THEM4: variants seen among roughly 807,000 people sequenced by gnomAD.
THEM4 encodes acyl-coenzyme A thioesterase THEM4.
THEM4 carries 22 observed loss-of-function variants against 25.0 expected under a neutral mutation model. That is an observed-to-expected ratio of 0.88 (90% confidence interval 0.63 to 1.26). The LOEUF (loss-of-function observed/expected upper bound fraction) is 1.26. Among genes scored for constraint, THEM4 ranks in the 50% most tolerant of loss-of-function variants. The probability of loss-of-function intolerance (pLI) is 0.00; values close to 1 mark genes in which losing one functional copy is unlikely to be tolerated. For synonymous variants in THEM4, 113 were observed against 105.6 expected (o/e 1.07, Z -0.43); for missense variants, 286 against 300.3 (o/e 0.95, Z 0.35).
chr1:151,887,847 T>C (rs999046201), intron 4 of THEM4, among the ~76,000 whole-genome samples: 2 of 152,182 alleles, frequency 1.3e-5, no homozygotes, highest in African/African-American at 4.8e-5. Context: ...CCAGAGCCCC[T>C]TGGATCCTTT....
intron 3 of THEM4, 68 bp downstream of exon 3, chr1:151,889,146 A>G: frequency 1.5e-6 from 2 of 1,328,486 alleles, no homozygotes; most frequent in Non-Finnish European, 2.1e-6. Context: ...TAGTCCATGT[A>G]CAGGACACAT....
In THEM4 at chr1:151,884,111, A is replaced by AAATAAAGG. The variant is rs759575997; in HGVS notation, c.557+4161_557+4162insCCTTTATT. Among the ~76,000 whole-genome samples the AAATAAAGG allele has an allele frequency of 2.0e-4, 30 of 150,922 alleles. No individual in the cohort carries two copies. In the South Asian group the frequency reaches 5.0e-3, roughly 25 times the overall value. ...TAAATAAATAAATAAATAAATAAAT[A>AAATAAAGG]AAGGAAGGAAGGAAGAAGCTTCCAG... On this transcript the variant is annotated intron_variant, in intron 4 of 5. Transcript: ENST00000368814.
intron 4 of THEM4, among the ~76,000 whole-genome samples, chr1:151,884,157 G>A (rs564081339): frequency 4.7e-4 from 72 of 151,894 alleles, no homozygotes; most frequent in South Asian, 1.2e-3. Context: ...CTACAAATTA[G>A]AAACACAGTG....
chr1:151,888,401 G>A lies in THEM4; in HGVS notation c.447-18C>T. ...GAATGAATCTAGTTACAACAGGAGT[G>A]GAGGAGAAATGTTTTCAGAAGTTCT... is the stretch of plus-strand genomic sequence containing the variant. On this transcript the variant is annotated intron_variant, in intron 3 of 5. Transcript: ENST00000368814. 6.3e-7 allele frequency: 1 copy of A among 1,576,790 alleles called. No individual in the cohort carries two copies. Among genetic ancestry groups the A allele is most frequent in the Non-Finnish European group, 8.7e-7 (1 of 1,153,742 alleles).
At position 151,909,413 on chromosome 1, in the gene THEM4, A is replaced by G. The variant is rs1457727595; in HGVS notation, c.46T>C (p.Cys16Arg). 6.7e-7 allele frequency: 1 copy of G among 1,494,138 alleles called. No homozygotes were observed. The highest frequency in any genetic ancestry group is 1.2e-5 in the South Asian group (1 of 80,002). The allele number at this position is 1,494,138 out of a possible 1,614,324, so 92.6% of individuals were successfully genotyped here. The change falls in exon 1 of 6, where the codon TGC (cysteine) becomes CGC (arginine). Residue 16 changes from cysteine to arginine, a missense_variant. Physicochemically the swap from Cys to Arg is radical, Grantham distance 180. Transcript: ENST00000368814. ...AGGCGCCGGCCTACTGGCGGCAGGC[A>G]CAGAGCCCCCAGCGTGCGGAGGCGC... Reference protein sequence around the residue: ...AARLRTLGALCLPPVGRRLPG... With the variant: ...AARLRTLGALRLPPVGRRLPG...
intron 4 of THEM4, among the ~76,000 whole-genome samples, chr1:151,886,151 G>T (rs2101721203): frequency 6.6e-6 from 1 of 152,330 alleles, no homozygotes; most frequent in South Asian, 2.1e-4. Flanking sequence ...GGTGTCATAA[G>T]ATGTGAGTTC....
chr1:151,886,943 A>G (rs1653983909), intron 4 of THEM4, among the ~76,000 whole-genome samples: 1 of 152,228 alleles, frequency 6.6e-6, no homozygotes, highest in Non-Finnish European at 1.5e-5. Flanking sequence ...AAGGTATTCA[A>G]ATTGGAAAGG....
chr1:151,906,372 G>A (rs2101733574), intron 1 of THEM4, among the ~76,000 whole-genome samples: 1 of 152,370 alleles, frequency 6.6e-6, no homozygotes. Flanking sequence ...CTGCCTTCTG[G>A]CGGGGCAGGG....
chr1:151,876,871 C>CA (rs1653691808), intron 5 of THEM4, 130 bp downstream of exon 5: 13 of 1,142,582 alleles, frequency 1.1e-5, no homozygotes, highest in Admixed American at 5.1e-5. Flanking sequence ...AATACCAGGG[C>CA]AAAAAACCAA....
chr1:151,904,185 C>G (rs977045448), intron 1 of THEM4, among the ~76,000 whole-genome samples: 1 of 152,070 alleles, frequency 6.6e-6, no homozygotes, highest in Non-Finnish European at 1.5e-5. Flanking sequence ...TGGGGAACTG[C>G]TAGGGTTTCA....
intron 2 of THEM4, chr1:151,890,878 T>G (rs546305363): frequency 6.6e-6 from 1 of 152,348 alleles, no homozygotes; most frequent in South Asian, 2.1e-4. Flanking sequence ...AGCTCTAAGA[T>G]CTCTTCCAAC....
At chr1:151,908,434 T>C (rs1217527882) in intron 1 of THEM4, among the ~76,000 whole-genome samples, 1 of 152,162 alleles carries the variant, frequency 6.6e-6, no homozygotes, top group African/African-American at 2.4e-5. Context: ...GAATGAGTCC[T>C]TTCTGGTTTG....
At chr1:151,906,715 C>T (rs553739651) in intron 1 of THEM4, among the ~76,000 whole-genome samples, 2 of 152,334 alleles carry the variant, frequency 1.3e-5, no homozygotes, top group African/African-American at 4.8e-5. Context: ...CACCCTATGT[C>T]TAGCTCAGGG....
At position 151,874,655 on chromosome 1, in the gene THEM4, G is replaced by A. The variant is rs577522550; in HGVS notation, c.*233C>T. ...CTCCTAAAGTGCTGGGATTATAGGT[G>A]TGAGCCACAGCGCCTGGCCCGAGAG... On this transcript the variant is annotated 3_prime_UTR_variant, in exon 6 of 6. Coordinates refer to ENST00000368814, the MANE Select transcript of THEM4 (RefSeq NM_053055.5). 4 of 584,132 alleles carry A rather than the reference G, an allele frequency of 6.8e-6. No homozygotes were observed. The highest frequency in any genetic ancestry group is 5.7e-5 in the East Asian group (2 of 34,812). 36.2% of individuals were successfully genotyped at this position (584,132 alleles called of 1,614,324 possible). A position where few individuals can be genotyped will look rare whatever the true frequency, so the allele number is the denominator to read the frequency against.
chr1:151,894,542 A>G (rs1202322538), intron 2 of THEM4, among the ~76,000 whole-genome samples: 1 of 152,194 alleles, frequency 6.6e-6, no homozygotes, highest in Non-Finnish European at 1.5e-5. Context: ...GTATATTAGT[A>G]AAAAAACACA....
Position 151,872,737 on chromosome 1 carries a change from T to C in THEM4, c.*2151A>G, listed in dbSNP as rs941268405. Among the ~76,000 whole-genome samples, 7 of 152,146 alleles carry C rather than the reference T, an allele frequency of 4.6e-5. No individual in the cohort carries two copies. The highest frequency in any genetic ancestry group is 1.7e-4 in the African/African-American group (7 of 41,434). ...ATTAACAGTATGTTTACAGGCAGTA[T>C]GCTTGGTAAAAGTCATCGCCATTCT... On this transcript the variant is annotated 3_prime_UTR_variant, in exon 6 of 6. Coordinates refer to ENST00000368814, the MANE Select transcript of THEM4 (RefSeq NM_053055.5).
Position 151,870,972 on chromosome 1 carries a change from T to C in THEM4, c.*3916A>G, listed in dbSNP as rs1321315106. On this transcript the variant is annotated 3_prime_UTR_variant, in exon 6 of 6. Transcript: ENST00000368814. ...TGTTTACACTGATAGTTTAAAGATA[T>C]TTTAGCACTAACCAGCATCAATTCC... Among the ~76,000 whole-genome samples the C allele has an allele frequency of 6.6e-6, 1 of 152,130 alleles. No individual in the cohort carries two copies. The highest frequency in any genetic ancestry group is 1.5e-5 in the Non-Finnish European group (1 of 68,022).
At chr1:151,890,721 C>T (rs942313471) in intron 2 of THEM4, 1 of 152,276 alleles carries the variant, frequency 6.6e-6, no homozygotes, top group African/African-American at 2.4e-5. Context: ...AGACAAGGAA[C>T]CTTAAAATTG....
In THEM4 at chr1:151,876,974, A is replaced by G. The variant is rs1407468486; in HGVS notation, c.682+27T>C. The G allele has an allele frequency of 1.9e-6, 3 of 1,584,808 alleles. No individual in the cohort carries two copies. The East Asian group carries it at 6.8e-5, about 36-fold the overall frequency. On this transcript the variant is annotated intron_variant, in intron 5 of 5. Transcript: ENST00000368814. Reference sequence around the variant, plus strand: ...TCCCAACCCAACCCAACTAAACCCCAAGAAAGAGATAAGACCAGCTTCTTA... The same window carrying G: ...TCCCAACCCAACCCAACTAAACCCCGAGAAAGAGATAAGACCAGCTTCTTA...
Sources: allele counts gnomAD v4.1 joint callset (sites outside exome capture counted in the v4.1 genomes callset), GRCh38; gene constraint gnomAD v4.1.1; transcripts MANE v1.5; gene names NCBI Gene and HGNC (gene_info 2026-07-23, HGNC 2026-07-21).